Variants in USP31 observed in about 807,000 individuals in gnomAD.
The protein encoded by USP31 is ubiquitin carboxyl-terminal hydrolase 31.
A neutral mutation model predicts 119.4 loss-of-function variants in USP31; 44 were observed. That is an observed-to-expected ratio of 0.37 (90% CI 0.29 to 0.47). The LOEUF is 0.47. Among genes scored for constraint, USP31 ranks in the 20% least tolerant of loss-of-function variants. The pLI, the probability that USP31 is intolerant of heterozygous loss-of-function variation, is 0.99. For synonymous variants in USP31, 749 were observed against 705.6 expected, an observed-to-expected ratio of 1.06 and a Z score of -0.97; for missense variants, 1,643 against 1,730.2, an observed-to-expected ratio of 0.95 and a Z score of 0.89.
intron 8 of USP31, 79 bp from the exon 9 acceptor site, chr16:23,087,265 AT>A: frequency 7.8e-7 from 1 of 1,275,800 alleles, no homozygotes; most frequent in Non-Finnish European, 1.1e-6. Context: ...TCCAAAACAG[AT>A]TAGAGTTACA....
chr16:23,083,788 G>C (rs116146685), intron 11 of USP31, among the ~76,000 whole-genome samples: 3,686 of 147,930 alleles, frequency 0.025, 50 homozygotes, highest in African/African-American at 0.04. Flanking sequence ...GTGGGGGAGA[G>C]AAGACTCGCT....
intron 15 of USP31, among the ~76,000 whole-genome samples, chr16:23,070,204 T>A (rs1900287924): frequency 6.6e-6 from 1 of 152,152 alleles, no homozygotes. Context: ...CTGAAGGTGA[T>A]CTGGGGCTCA....
intron 1 of USP31, among the ~76,000 whole-genome samples, chr16:23,108,663 A>AG (rs547191256): frequency 1.1e-4 from 16 of 152,334 alleles, no homozygotes; most frequent in Non-Finnish European, 2.4e-4. Context: ...AAAATCATTT[A>AG]GGGGGGTGTA....
In USP31 at chr16:23,068,424, G is replaced by C; in HGVS notation, c.3681C>G (p.Ser1227=). ...RDSKSEDKGL[S]FFKSALRQKE... is the part of the protein sequence containing the mutation. ...TCTGTCTCAAGGCTGATTTGAAGAA[G>C]GACAGCCCCTTGTCCTCAGACTTGC... The change falls in exon 16 of 16, where the codon TCC becomes TCG. Residue 1227 remains serine (S), a synonymous_variant. Transcript: ENST00000219689. 1 of 1,613,740 alleles carries C rather than the reference G, an allele frequency of 6.2e-7. No individual in the cohort carries two copies. The highest frequency in any genetic ancestry group is 8.5e-7 in the Non-Finnish European group (1 of 1,180,028).
At chr16:23,069,767 G>A (rs893504942) in intron 15 of USP31, 151 bp from the exon 16 acceptor site, 7 of 1,049,392 alleles carry the variant, frequency 6.7e-6, no homozygotes, top group African/African-American at 4.8e-5. Flanking sequence ...AGGAGTCCCT[G>A]TGTGGCTTTG....
Position 23,127,624 on chromosome 16 carries a change from G to A in USP31, c.634-19441C>T, listed in dbSNP as rs115728977. ...ATTACAGGCACCTACCTACCACTGC[G>A]CCTGGCTAATTTTTGTAGTTTTTTT... is the stretch of plus-strand genomic sequence containing the variant. On this transcript the variant is annotated intron_variant, in intron 1 of 15. Transcript: ENST00000219689. Among the ~76,000 whole-genome samples, 332 of 150,288 alleles carry A rather than the reference G, an allele frequency of 2.2e-3. 2 individuals carry two copies. The highest frequency in any genetic ancestry group is 7.1e-3 in the African/African-American group (292 of 40,972).
Position 23,087,169 on chromosome 16 carries a change from C to T in USP31, c.1545G>A (p.Leu515=), listed in dbSNP as rs750368574. ...TTATTCCAACAACACTGACCACACG[C>T]AAGCTGAATGGACACACCTGCATCA... The part of the protein sequence containing the change: ...TVCIQVCPFS[L]RVVSVVGITY... The change falls in exon 9 of 16, where the codon TTG becomes TTA. Residue 515 remains leucine (L), a synonymous_variant. Coordinates refer to ENST00000219689, the MANE Select transcript of USP31 (RefSeq NM_020718.4). 6.2e-7 allele frequency: 1 copy of T among 1,613,550 alleles called. No homozygotes were observed. The highest frequency in any genetic ancestry group is 1.3e-5 in the African/African-American group (1 of 75,006).
chr16:23,067,945 C>CA lies in USP31; in HGVS notation c.*100dup. On this transcript the variant is annotated 3_prime_UTR_variant, in exon 16 of 16. Transcript: ENST00000219689. ...CACACACACAGTCGGGCACGTGACTCAAAAAAGTACAAAACAAAAGCACAG... is the reference window on the plus strand; with the variant it reads ...CACACACACAGTCGGGCACGTGACTCAAAAAAAGTACAAAACAAAAGCACAG... 1 of 1,464,720 alleles carries CA rather than the reference C, an allele frequency of 6.8e-7. No homozygotes were observed. Among genetic ancestry groups the CA allele is most frequent in the Non-Finnish European group, 9.1e-7 (1 of 1,100,020 alleles). The allele number at this position is 1,464,720 out of a possible 1,614,324, so 90.7% of individuals were successfully genotyped here.
rs1902054631 is a variant in USP31, at chr16:23,105,437, T to C, written c.1089+4A>G. 19 of 1,611,490 alleles carry C rather than the reference T, an allele frequency of 1.2e-5. No individual in the cohort carries two copies. The highest frequency in any genetic ancestry group is 2.2e-5 in the East Asian group (1 of 44,866). On this transcript the variant is annotated splice_donor_region_variant and intron_variant, in intron 5 of 15. Coordinates refer to ENST00000219689, the MANE Select transcript of USP31 (RefSeq NM_020718.4). Reference sequence around the variant, plus strand: ...TGTGTAACTGGTCTTAGCAGACTTATTACCTGATCAGTGGGGATCTTTGTT... The same window carrying C: ...TGTGTAACTGGTCTTAGCAGACTTACTACCTGATCAGTGGGGATCTTTGTT...
chr16:23,137,074 T>C (rs1903216154), intron 1 of USP31, among the ~76,000 whole-genome samples: 1 of 152,074 alleles, frequency 6.6e-6, no homozygotes, highest in South Asian at 2.1e-4. Context: ...TAGCCAGGCA[T>C]AGTGGCACGC....
intron 1 of USP31, among the ~76,000 whole-genome samples, chr16:23,122,309 G>A (rs1174376468): frequency 1.3e-5 from 2 of 152,148 alleles, no homozygotes; most frequent in Non-Finnish European, 2.9e-5. Flanking sequence ...AAAGACAGAC[G>A]TTAACAAGTG....
At chr16:23,108,987 G>A (rs776581002) in intron 1 of USP31, among the ~76,000 whole-genome samples, 3 of 152,178 alleles carry the variant, frequency 2.0e-5, no homozygotes, top group Admixed American at 6.5e-5. Context: ...GAAAGTCCAC[G>A]CTTACAGTGT....
At chr16:23,095,176 T>C (rs1191828773) in intron 6 of USP31, among the ~76,000 whole-genome samples, 4 of 152,120 alleles carry the variant, frequency 2.6e-5, no homozygotes, top group African/African-American at 7.2e-5. Context: ...CTGCAGACCA[T>C]GGCATGAGGA....
intron 1 of USP31, among the ~76,000 whole-genome samples, chr16:23,111,210 T>C (rs1306474197): frequency 6.6e-6 from 1 of 150,502 alleles, no homozygotes; most frequent in Non-Finnish European, 1.5e-5. Flanking sequence ...GGGAGAGTAG[T>C]TAGGAAACAA....
At chr16:23,086,649 G>T (rs1041992018) in intron 9 of USP31, among the ~76,000 whole-genome samples, 4 of 152,146 alleles carry the variant, frequency 2.6e-5, no homozygotes, top group Non-Finnish European at 5.9e-5. Flanking sequence ...CTGAAAGGTT[G>T]GGATAGTGGG....
At chr16:23,102,188 T>C (rs1322964288) in intron 6 of USP31, 131 bp downstream of exon 6, 15 of 1,035,998 alleles carry the variant, frequency 1.4e-5, no homozygotes, top group South Asian at 2.3e-5. Context: ...TATACCATCA[T>C]TAAAAAATCA....
chr16:23,103,453 T>C (rs1334395734), intron 5 of USP31, among the ~76,000 whole-genome samples: 1 of 152,154 alleles, frequency 6.6e-6, no homozygotes, highest in Admixed American at 6.5e-5. Flanking sequence ...GTAAAAATAA[T>C]ATGTGTAAAT....
chr16:23,075,242 C>T (rs1234340522), intron 13 of USP31, among the ~76,000 whole-genome samples: 4 of 152,154 alleles, frequency 2.6e-5, no homozygotes, highest in African/African-American at 9.7e-5. Flanking sequence ...CCAGTGGCGT[C>T]AGGTCAGGCT....
chr16:23,071,710 G>C (rs905564429), intron 15 of USP31, among the ~76,000 whole-genome samples: 4 of 148,904 alleles, frequency 2.7e-5, no homozygotes, highest in Non-Finnish European at 4.4e-5. Context: ...ATCTCTCTGA[G>C]CCTCTTCCAG....
Sources: allele counts gnomAD v4.1 joint callset (sites outside exome capture counted in the v4.1 genomes callset), GRCh38; gene constraint gnomAD v4.1.1; transcripts MANE v1.5; gene names NCBI Gene and HGNC (gene_info 2026-07-23, HGNC 2026-07-21).